The following SEC24B variants were observed in gnomAD, a reference collection of about 807,000 sequenced individuals.
SEC24B encodes SEC24 homolog B, COPII component, also known as protein transport protein Sec24B.
In SEC24B, 45 loss-of-function variants were observed where a neutral mutation model predicts 142.8. The ratio of observed to expected loss-of-function variants is 0.32; its 90% CI spans 0.25 to 0.40. SEC24B has a LOEUF of 0.40. Ranked by LOEUF, SEC24B falls within the 10% of genes least tolerant of loss-of-function variation. The probability of loss-of-function intolerance (pLI) is 1.00; values close to 1 mark genes in which losing one functional copy is unlikely to be tolerated. For missense variants in SEC24B, 1,409 were observed against 1,526.8 expected (o/e 0.92, Z 1.29); for synonymous variants, 574 against 568.2 (o/e 1.01, Z -0.15).
chr4:109,496,417 G>GA (rs1735549738), intron 6 of SEC24B, among the ~76,000 whole-genome samples: 1 of 152,106 alleles, frequency 6.6e-6, no homozygotes. Flanking sequence ...TCCTGGCCAG[G>GA]AAACAATTTT....
chr4:109,529,198 A>T (rs1724616369), intron 18 of SEC24B, among the ~76,000 whole-genome samples: 1 of 152,052 alleles, frequency 6.6e-6, no homozygotes, highest in Non-Finnish European at 1.5e-5. Flanking sequence ...ATTTAATCAG[A>T]TTCTCTTAAA....
In SEC24B at chr4:109,538,507, G is replaced by A; in HGVS notation, c.3603G>A (p.Glu1201=). The A allele has an allele frequency of 6.2e-7, 1 of 1,611,760 alleles. No individual in the cohort carries two copies. The highest frequency in any genetic ancestry group is 8.5e-7 in the Non-Finnish European group (1 of 1,177,924). Reference sequence around the variant, plus strand: ...TCTTTTACCAGACACATCTTCCAGAGCTAGATACACTTTCATCAGAAAGAG... The same window carrying A: ...TCTTTTACCAGACACATCTTCCAGAACTAGATACACTTTCATCAGAAAGAG... The part of the protein sequence containing the change: ...SIPQKMTHLP[E]LDTLSSERAR... The change falls in exon 23 of 24, where the codon GAG becomes GAA. Residue 1201 remains glutamate, a synonymous_variant. Coordinates refer to ENST00000265175, the MANE Select transcript of SEC24B (RefSeq NM_006323.5).
chr4:109,486,120 C>G (rs1561122361), intron 4 of SEC24B, among the ~76,000 whole-genome samples: 2 of 152,170 alleles, frequency 1.3e-5, no homozygotes, highest in Non-Finnish European at 2.9e-5. Context: ...GAGTCTCTTG[C>G]TAATATCTGT....
chr4:109,517,955 A>G lies in SEC24B; in HGVS notation c.2126+1315A>G, dbSNP rs868624655. Among the ~76,000 whole-genome samples the G allele has an allele frequency of 9.2e-3, 1,340 of 144,972 alleles. 17 individuals are homozygous for G. The highest frequency in any genetic ancestry group is 0.032 in the African/African-American group (1,177 of 36,406). On this transcript the variant is annotated intron_variant, in intron 11 of 23. Transcript: ENST00000265175. ...ATTTTGTTTGTTTGTTTGTTTATTT[A>G]TTTATTTATTTATTTATTTATTTAT...
At chr4:109,449,555 A>T (rs1191542238) in intron 1 of SEC24B, 2 of 455,042 alleles carry the variant, frequency 4.4e-6, no homozygotes, top group East Asian at 1.4e-4. Flanking sequence ...ACAGTTCTGG[A>T]GGCTGGAAGT....
At chr4:109,474,051 G>GT (rs1035818260) in intron 3 of SEC24B, among the ~76,000 whole-genome samples, 1 of 152,172 alleles carries the variant, frequency 6.6e-6, no homozygotes, top group African/African-American at 2.4e-5. Context: ...CTCATTGCTT[G>GT]TATCTGTTGA....
In SEC24B at chr4:109,482,936, CTATATATATATATATA is replaced by C. The variant is rs775978447; in HGVS notation, c.1165+1184_1165+1199del. 8.9e-3 allele frequency among the ~76,000 whole-genome samples: 308 copies of C among 34,616 alleles called. 9 individuals carry two copies. The highest frequency in any genetic ancestry group is 0.036 in the East Asian group (35 of 976). The allele number at this position is 34,616 out of a possible 152,430, so 22.7% of individuals were successfully genotyped here. ...CATGAGCTACCTTGCCAGGCTTGTACTATATATATATATATATATATATATATATATATATATATAT... is the reference window on the plus strand; with the variant it reads ...CATGAGCTACCTTGCCAGGCTTGTACTATATATATATATATATATATATAT... On this transcript the variant is annotated intron_variant, in intron 4 of 23. Transcript: ENST00000265175.
At position 109,462,966 on chromosome 4, in the gene SEC24B, C is replaced by G. The variant is rs759554158; in HGVS notation, c.199C>G (p.Pro67Ala). 1 of 1,613,738 alleles carries G rather than the reference C, an allele frequency of 6.2e-7. No homozygotes were observed. The change falls in exon 2 of 24, where the codon CCC (proline) becomes GCC (alanine). Residue 67 changes from proline (P) to alanine (A), a missense_variant. Pro to Ala is a conservative substitution (Grantham distance 27). Around this residue, in one of 2 missense-constraint regions of SEC24B, gnomAD observed 709 missense variants for 673.5 expected, o/e 1.05. Transcript: ENST00000265175. ...YGLHHQNYIA[P>A]SGHYSQGPGK... ...ATTGCATCATCAAAACTATATTGCT[C>G]CCTCAGGACATTACTCTCAAGGACC...
intron 1 of SEC24B, among the ~76,000 whole-genome samples, chr4:109,455,240 A>G (rs28663368): frequency 0.12 from 17,954 of 151,884 alleles, 3,528 homozygotes; most frequent in African/African-American, 0.41. Context: ...TTAATTTACA[A>G]TGAGATTTAG....
rs371140163 is a variant in SEC24B at position 109,514,131 on chromosome 4, A to T, written c.2013+275A>T. On this transcript the variant is annotated intron_variant, in intron 10 of 23. Transcript: ENST00000265175. ...TTGCCATTTTGATTTCCTTGCATGG[A>T]ATGGATATAGATACCCTTTTACCAT... Among the ~76,000 whole-genome samples the T allele has an allele frequency of 2.0e-5, 3 of 152,290 alleles. No homozygotes were observed. The South Asian group carries it at 6.2e-4, about 32-fold the overall frequency.
At chr4:109,456,495 G>C (rs867277250) in intron 1 of SEC24B, among the ~76,000 whole-genome samples, 1 of 152,050 alleles carries the variant, frequency 6.6e-6, no homozygotes, top group African/African-American at 2.4e-5. Context: ...AAAGCAGTCT[G>C]TCTGTCCCTT....
At chr4:109,446,576 G>A (rs550671000) in intron 1 of SEC24B, among the ~76,000 whole-genome samples, 6 of 152,260 alleles carry the variant, frequency 3.9e-5, no homozygotes, top group African/African-American at 1.4e-4. Flanking sequence ...GATAAATAGT[G>A]GCAGTATCAA....
chr4:109,533,809 T>C (rs982488847), intron 22 of SEC24B, 124 bp downstream of exon 22: 5 of 681,120 alleles, frequency 7.3e-6, no homozygotes, highest in Non-Finnish European at 1.0e-5. Context: ...ACACAGTGTT[T>C]TACAGCCATT....
chr4:109,482,936 CTATATATATATATATATATATATATA>C (rs775978447), intron 4 of SEC24B, among the ~76,000 whole-genome samples: 417 of 34,632 alleles, frequency 0.012, 42 homozygotes, highest in Non-Finnish European at 0.019. Context: ...CAGGCTTGTA[CTATATATATATATATATATATATATA>C]TATATATATA....
At chr4:109,445,242 G>A (rs1022916474) in intron 1 of SEC24B, among the ~76,000 whole-genome samples, 2 of 112,780 alleles carry the variant, frequency 1.8e-5, no homozygotes, top group Non-Finnish European at 3.5e-5. Flanking sequence ...TTCTTTCTTT[G>A]TTTTTTTTTT....
At chr4:109,449,554 G>C (rs1455392226) in intron 1 of SEC24B, 1 of 455,258 alleles carries the variant, frequency 2.2e-6, no homozygotes, top group African/African-American at 2.0e-5. Flanking sequence ...AACAGTTCTG[G>C]AGGCTGGAAG....
Position 109,433,908 on chromosome 4 carries a change from C to T in SEC24B, c.39C>T (p.Ser13=). 1 of 1,335,294 alleles carries T rather than the reference C, an allele frequency of 7.5e-7. No individual in the cohort carries two copies. Among genetic ancestry groups the T allele is most frequent in the South Asian group, 1.9e-5 (1 of 54,028 alleles). 82.7% of individuals were successfully genotyped at this position (1,335,294 alleles called of 1,614,324 possible). A position where few individuals can be genotyped will look rare whatever the true frequency, so the allele number is the denominator to read the frequency against. Residue 13 remains serine (S), a synonymous_variant, in exon 1 of 24, where the codon AGC becomes AGT. Coordinates refer to ENST00000265175, the MANE Select transcript of SEC24B (RefSeq NM_006323.5). The part of the protein sequence containing the change: ...APAGSSHPAA[S]ARIPPKFGGA... ...CCGGGTCCTCTCACCCGGCCGCCAG[C>T]GCCCGGATCCCGCCCAAGTTCGGCG...
intron 1 of SEC24B, among the ~76,000 whole-genome samples, chr4:109,437,766 A>G (rs1728544456): frequency 6.6e-6 from 1 of 152,162 alleles, no homozygotes; most frequent in African/African-American, 2.4e-5. Context: ...CTGGGCCTAC[A>G]GGCGCACACC....
At chr4:109,531,880 G>T (rs185946680) in intron 20 of SEC24B, among the ~76,000 whole-genome samples, 337 of 152,104 alleles carry the variant, frequency 2.2e-3, no homozygotes, top group Non-Finnish European at 3.7e-3. Flanking sequence ...TTATTTTAAA[G>T]ACAGAATCTT....
Sources: allele counts gnomAD v4.1 joint callset (sites outside exome capture counted in the v4.1 genomes callset), GRCh38; gene constraint gnomAD v4.1.1; regional missense constraint gnomAD v4.1.1; transcripts MANE v1.5; gene names NCBI Gene and HGNC (gene_info 2026-07-23, HGNC 2026-07-21).